Variants in RHBDD1 observed in about 807,000 individuals in gnomAD.
The protein encoded by RHBDD1 is rhomboid domain containing 1.
A neutral mutation model predicts 36.3 loss-of-function variants in RHBDD1; 38 were observed. That is an observed-to-expected ratio of 1.05 (90% CI 0.81 to 1.37). RHBDD1 has a LOEUF of 1.37. RHBDD1 is among the 40% of genes most tolerant of loss of function. The pLI is 0.00. For missense variants in RHBDD1, 393 were observed against 377.6 expected, an observed-to-expected ratio of 1.04 and a Z score of -0.34; for synonymous variants, 151 against 136.5, an observed-to-expected ratio of 1.11 and a Z score of -0.74.
chr2:226,924,034 A>G (rs1949508282), intron 8 of RHBDD1, among the ~76,000 whole-genome samples: 1 of 151,968 alleles, frequency 6.6e-6, no homozygotes, highest in Non-Finnish European at 1.5e-5. Context: ...CTGCAAGACA[A>G]AGTTCCCTTT....
At chr2:226,860,507 T>C (rs1292987999) in intron 3 of RHBDD1, among the ~76,000 whole-genome samples, 1 of 152,198 alleles carries the variant, frequency 6.6e-6, no homozygotes, top group Non-Finnish European at 1.5e-5. Flanking sequence ...TATTGTGATC[T>C]GTCTTCCTTG....
chr2:226,858,656 C>T (rs1943552897), intron 3 of RHBDD1, among the ~76,000 whole-genome samples: 1 of 151,948 alleles, frequency 6.6e-6, no homozygotes, highest in African/African-American at 2.4e-5. Flanking sequence ...GTTTCTTTTC[C>T]CTTTTTACTC....
intron 8 of RHBDD1, among the ~76,000 whole-genome samples, chr2:226,958,820 G>A (rs1300776001): frequency 2.0e-5 from 3 of 151,328 alleles, no homozygotes; most frequent in African/African-American, 4.9e-5. Context: ...TCCAGGAGTT[G>A]GATACCCAGT....
chr2:226,829,829 A>G, the RHBDD1 span, among the ~76,000 whole-genome samples: 1 of 152,126 alleles, frequency 6.6e-6, no homozygotes, highest in Non-Finnish European at 1.5e-5. Context: ...TTCCTATTCA[A>G]TTTGATGCCT....
At chr2:226,965,371 T>C (rs1468228951) in intron 8 of RHBDD1, among the ~76,000 whole-genome samples, 1 of 152,174 alleles carries the variant, frequency 6.6e-6, no homozygotes, top group Non-Finnish European at 1.5e-5. Context: ...AGAATAAAGT[T>C]CTGTTGTTTT....
chr2:226,945,405 T>C (rs1043255244), intron 8 of RHBDD1, among the ~76,000 whole-genome samples: 18 of 151,976 alleles, frequency 1.2e-4, no homozygotes, highest in Non-Finnish European at 2.2e-4. Flanking sequence ...TGAGAACATA[T>C]GGTGTTTGGT....
chr2:226,901,783 T>A (rs1947618305), intron 5 of RHBDD1, among the ~76,000 whole-genome samples: 1 of 152,190 alleles, frequency 6.6e-6, no homozygotes, highest in Non-Finnish European at 1.5e-5. Flanking sequence ...CTATAGCTCA[T>A]TGGCAATAAA....
At chr2:226,975,932 A>C (rs1352113811) in intron 8 of RHBDD1, among the ~76,000 whole-genome samples, 1 of 152,054 alleles carries the variant, frequency 6.6e-6, no homozygotes, top group East Asian at 1.9e-4. Context: ...AAGTGGCCCC[A>C]GGGTTGTTGT....
intron 6 of RHBDD1, among the ~76,000 whole-genome samples, chr2:226,907,743 T>C (rs1163734873): frequency 6.6e-6 from 1 of 152,228 alleles, no homozygotes. Flanking sequence ...TTTTGGTTGA[T>C]TTTTACAGGC....
chr2:226,915,464 T>C (rs769340578), intron 8 of RHBDD1, among the ~76,000 whole-genome samples: 8 of 152,100 alleles, frequency 5.3e-5, no homozygotes, highest in Non-Finnish European at 1.2e-4. Context: ...TAGTGTGTGG[T>C]ATAAATGCCA....
At chr2:226,934,687 C>T (rs1950228373) in intron 8 of RHBDD1, among the ~76,000 whole-genome samples, 1 of 151,960 alleles carries the variant, frequency 6.6e-6, no homozygotes, top group Non-Finnish European at 1.5e-5. Context: ...GCAGTCTCAG[C>T]TTTTATAAAT....
intron 8 of RHBDD1, among the ~76,000 whole-genome samples, chr2:226,962,214 G>T (rs183497171): frequency 6.6e-6 from 1 of 152,250 alleles, no homozygotes; most frequent in Non-Finnish European, 1.5e-5. Flanking sequence ...AAGCAAGAAA[G>T]AAAAAATAGC....
chr2:226,941,844 C>A (rs1950686599), intron 8 of RHBDD1, among the ~76,000 whole-genome samples: 1 of 152,260 alleles, frequency 6.6e-6, no homozygotes, highest in South Asian at 2.1e-4. Context: ...GAAATTCCTT[C>A]CAGGTTAATG....
chr2:226,978,559 C>T (rs900934613), intron 8 of RHBDD1, among the ~76,000 whole-genome samples: 3 of 152,236 alleles, frequency 2.0e-5, no homozygotes, highest in African/African-American at 7.2e-5. Context: ...TAGCACTCTA[C>T]ACCTCCTTCC....
chr2:226,960,404 G>A (rs1335445024), intron 8 of RHBDD1, among the ~76,000 whole-genome samples: 1 of 152,178 alleles, frequency 6.6e-6, no homozygotes, highest in African/African-American at 2.4e-5. Flanking sequence ...GTGCATAAGA[G>A]AATTTCACTC....
chr2:226,987,144 A>G (rs1390923947), intron 8 of RHBDD1, among the ~76,000 whole-genome samples: 1 of 152,162 alleles, frequency 6.6e-6, no homozygotes, highest in Non-Finnish European at 1.5e-5. Context: ...ACATGGACAC[A>G]GAGAGGGGAA....
chr2:226,840,571 G>A (rs1941503228), intron 3 of RHBDD1, among the ~76,000 whole-genome samples: 1 of 152,114 alleles, frequency 6.6e-6, no homozygotes, highest in African/African-American at 2.4e-5. Flanking sequence ...TGCCATCTAT[G>A]GATAAAGAAA....
intron 5 of RHBDD1, among the ~76,000 whole-genome samples, chr2:226,881,981 A>G (rs1052674284): frequency 2.6e-5 from 4 of 152,358 alleles, no homozygotes; most frequent in African/African-American, 7.2e-5. Context: ...TAGATTTTAT[A>G]TAGTAATAGA....
intron 3 of RHBDD1, among the ~76,000 whole-genome samples, chr2:226,862,435 G>T (rs1943943227): frequency 6.6e-6 from 1 of 150,922 alleles, no homozygotes; most frequent in Non-Finnish European, 1.5e-5. Flanking sequence ...GTATTAGAGT[G>T]AGTTACCTGT....
Sources: gnomAD v4.1 joint callset for allele counts (sites outside exome capture counted in the v4.1 genomes callset) on GRCh38, gnomAD v4.1.1 for gene constraint, MANE v1.5 for transcripts, NCBI Gene and HGNC (gene_info 2026-07-23, HGNC 2026-07-21) for gene names.